COLEC10: variants seen among roughly 807,000 people sequenced by gnomAD.
COLEC10 encodes collectin-10.
COLEC10 carries 22 observed loss-of-function variants against 28.4 expected under a neutral mutation model. The ratio of observed to expected loss-of-function variants is 0.78; its 90% CI spans 0.55 to 1.11. COLEC10 has a LOEUF of 1.11. Among genes scored for constraint, COLEC10 ranks in the 50% least tolerant of loss-of-function variants. The probability of loss-of-function intolerance (pLI) is 0.00; values close to 1 mark genes in which losing one functional copy is unlikely to be tolerated. For synonymous variants in COLEC10, 125 were observed against 116.1 expected (o/e 1.08, Z -0.49); for missense variants, 361 against 344.1 (o/e 1.05, Z -0.39).
chr8:119,098,387 C>T (rs1815762140), intron 3 of COLEC10, among the ~76,000 whole-genome samples: 2 of 152,008 alleles, frequency 1.3e-5, no homozygotes, highest in South Asian at 4.1e-4. Flanking sequence ...ATTAACTAAC[C>T]TTATTTCCTT....
chr8:118,996,672 A>G (rs1813595765), intron 1 of COLEC10, among the ~76,000 whole-genome samples: 1 of 152,134 alleles, frequency 6.6e-6, no homozygotes, highest in South Asian at 2.1e-4. Context: ...GTGCTAGTCT[A>G]TTTGTGTTAC....
chr8:119,016,087 TAC>T (rs1563717555), intron 2 of COLEC10, among the ~76,000 whole-genome samples: 1 of 152,144 alleles, frequency 6.6e-6, no homozygotes. Context: ...GCAGGATTGT[TAC>T]ACAGATATAC....
chr8:118,984,003 T>C, the COLEC10 span, among the ~76,000 whole-genome samples: 1 of 148,624 alleles, frequency 6.7e-6, no homozygotes, highest in Non-Finnish European at 1.5e-5. Context: ...CAAAGGAATA[T>C]AAATTGTTCT....
the COLEC10 span, among the ~76,000 whole-genome samples, chr8:118,974,659 G>A: frequency 6.6e-6 from 1 of 151,908 alleles, no homozygotes; most frequent in Non-Finnish European, 1.5e-5. Flanking sequence ...TAATAAAGTG[G>A]CATTTCTCCT....
At chr8:119,002,398 A>C (rs940073507) in intron 1 of COLEC10, among the ~76,000 whole-genome samples, 2 of 152,148 alleles carry the variant, frequency 1.3e-5, no homozygotes, top group African/African-American at 4.8e-5. Flanking sequence ...GGATTATTAA[A>C]AGCTAGGTTT....
intron 1 of COLEC10, among the ~76,000 whole-genome samples, chr8:119,005,540 C>T (rs1229817570): frequency 6.6e-6 from 1 of 152,074 alleles, no homozygotes; most frequent in Non-Finnish European, 1.5e-5. Flanking sequence ...AGACAGAATC[C>T]TGGACCAATA....
At chr8:118,990,767 A>T (rs1237120518), upstream of COLEC10, among the ~76,000 whole-genome samples, 1 of 152,130 alleles carries the variant, frequency 6.6e-6, no homozygotes, top group Non-Finnish European at 1.5e-5. Context: ...ACCACTGAGA[A>T]CTTCAAGGAA....
chr8:119,052,906 C>A (rs1814698273), intron 2 of COLEC10, among the ~76,000 whole-genome samples: 1 of 152,004 alleles, frequency 6.6e-6, no homozygotes, highest in Non-Finnish European at 1.5e-5. Flanking sequence ...GTTTCTTTGG[C>A]AGCCAAAGAG....
chr8:118,972,662 C>T, the COLEC10 span, among the ~76,000 whole-genome samples: 2 of 151,936 alleles, frequency 1.3e-5, no homozygotes, highest in Non-Finnish European at 2.9e-5. Context: ...TGACTTCTTA[C>T]TTTCTCCCAT....
At chr8:119,021,012 T>C (rs74338610) in intron 2 of COLEC10, among the ~76,000 whole-genome samples, 6,691 of 152,224 alleles carry the variant, frequency 0.044, 217 homozygotes, top group East Asian at 0.16. Context: ...ATAGATGATA[T>C]ATGGAATATA....
At chr8:119,080,533 A>C (rs543220845) in intron 1 of COLEC10, among the ~76,000 whole-genome samples, 2 of 152,286 alleles carry the variant, frequency 1.3e-5, no homozygotes, top group African/African-American at 4.8e-5. Flanking sequence ...TCCATCAATA[A>C]ATTCAGAGAA....
chr8:118,976,730 A>G, the COLEC10 span: 1 of 152,224 alleles, frequency 6.6e-6, no homozygotes, highest in Non-Finnish European at 1.5e-5. Flanking sequence ...AATGGCAACA[A>G]AAGCCAAAAT....
At chr8:119,008,142 G>T (rs1813839178) in intron 1 of COLEC10, among the ~76,000 whole-genome samples, 1 of 150,952 alleles carries the variant, frequency 6.6e-6, no homozygotes, top group South Asian at 2.1e-4. Context: ...TCCAGTTCAA[G>T]ACCCACACAA....
chr8:119,061,319 A>G (rs1454977851), intron 2 of COLEC10, among the ~76,000 whole-genome samples: 2 of 152,060 alleles, frequency 1.3e-5, no homozygotes, highest in African/African-American at 2.4e-5. Flanking sequence ...CCAACACAAG[A>G]AAATTTATAA....
intron 1 of COLEC10, among the ~76,000 whole-genome samples, chr8:119,000,866 C>T (rs1393861461): frequency 3.3e-5 from 5 of 152,040 alleles, no homozygotes; most frequent in Non-Finnish European, 5.9e-5. Context: ...AGGGTGATTG[C>T]AGGAAATGTG....
chr8:119,055,452 G>T (rs1246562115), intron 2 of COLEC10, among the ~76,000 whole-genome samples: 1 of 151,934 alleles, frequency 6.6e-6, no homozygotes, highest in African/African-American at 2.4e-5. Context: ...GGTTAGCATG[G>T]GTCACAGTCT....
chr8:119,033,100 A>C lies in COLEC10; in HGVS notation n.235+23547A>C, dbSNP rs151229172. ...AAGATTTGGAAAAGAAAACCCACTT[A>C]GGGTCTTTTCAAGCTGCAAATGGGG... On this transcript the variant is annotated intron_variant and non_coding_transcript_variant, in intron 2 of 6. Transcript: ENST00000521788. Among the ~76,000 whole-genome samples, 510 of 152,264 alleles carry C rather than the reference A, an allele frequency of 3.3e-3. 3 individuals are homozygous for C. The highest frequency in any genetic ancestry group is 0.011 in the African/African-American group (475 of 41,548).
chr8:119,019,671 C>G (rs371960947), intron 2 of COLEC10, among the ~76,000 whole-genome samples: 5 of 152,134 alleles, frequency 3.3e-5, no homozygotes, highest in Non-Finnish European at 5.9e-5. Context: ...GAACCTCCCC[C>G]ACTCCTTACT....
At chr8:119,043,309 T>C (rs754281717) in intron 2 of COLEC10, among the ~76,000 whole-genome samples, 2 of 152,134 alleles carry the variant, frequency 1.3e-5, no homozygotes, top group African/African-American at 4.8e-5. Context: ...CATAAAACAT[T>C]GCAAGGATTT....
Sources: allele counts gnomAD v4.1 joint callset (sites outside exome capture counted in the v4.1 genomes callset), GRCh38; gene constraint gnomAD v4.1.1; transcripts MANE v1.5; gene names NCBI Gene and HGNC (gene_info 2026-07-23, HGNC 2026-07-21).